The following TMEM170B variants were observed in gnomAD, a reference collection of about 807,000 sequenced individuals.
TMEM170B encodes transmembrane protein 170B.
A neutral mutation model predicts 13.0 loss-of-function variants in TMEM170B; 6 were observed. The ratio of observed to expected loss-of-function variants is 0.46; its 90% CI spans 0.25 to 0.91. The LOEUF (loss-of-function observed/expected upper bound fraction) is 0.91, where lower values mean the gene tolerates loss of function less well. Among genes scored for constraint, TMEM170B ranks in the 40% least tolerant of loss-of-function variants. TMEM170B has a pLI of 0.17. For synonymous variants in TMEM170B, 61 were observed against 64.9 expected, an observed-to-expected ratio of 0.94 and a Z score of 0.29; for missense variants, 138 against 165.2, an observed-to-expected ratio of 0.84 and a Z score of 0.90.
rs539622964 is a variant in TMEM170B, at chr6:11,568,628, C to G, written c.268+2792C>G. ...AATCCTTAAAAATGTAAGTCTGACACAATTTCAAGTAAAAATTTGTGTCCA... is the reference window on the plus strand; with the variant it reads ...AATCCTTAAAAATGTAAGTCTGACAGAATTTCAAGTAAAAATTTGTGTCCA... On this transcript the variant is annotated intron_variant, in intron 2 of 2. Transcript: ENST00000379426. Among the ~76,000 whole-genome samples, 26 of 152,206 alleles carry G rather than the reference C, an allele frequency of 1.7e-4. 1 individual carries two copies. The South Asian group carries it at 5.2e-3, about 30-fold the overall frequency.
chr6:11,564,425 A>G (rs1759709156), intron 1 of TMEM170B, among the ~76,000 whole-genome samples: 1 of 152,138 alleles, frequency 6.6e-6, no homozygotes, highest in Admixed American at 6.6e-5. Context: ...TTTAATGACT[A>G]TTTTATTGAC....
chr6:11,542,478 C>T (rs1561906026), intron 1 of TMEM170B, among the ~76,000 whole-genome samples: 1 of 152,162 alleles, frequency 6.6e-6, no homozygotes, highest in Non-Finnish European at 1.5e-5. Flanking sequence ...ATATGCCGAA[C>T]ATCCCAAACT....
intron 1 of TMEM170B, among the ~76,000 whole-genome samples, chr6:11,553,932 A>C (rs898288726): frequency 1.5e-4 from 23 of 152,108 alleles, no homozygotes; most frequent in Admixed American, 7.2e-4. Flanking sequence ...TTATGAAATT[A>C]TCTCTCTCTC....
At position 11,538,103 on chromosome 6, in the gene TMEM170B, C is replaced by A. The variant is rs988117684; in HGVS notation, c.-175C>A. 1.3e-5 allele frequency among the ~76,000 whole-genome samples: 2 copies of A among 151,008 alleles called. No individual in the cohort carries two copies. Among genetic ancestry groups the A allele is most frequent in the Admixed American group, 6.6e-5 (1 of 15,212 alleles). On this transcript the variant is annotated 5_prime_UTR_variant, in exon 1 of 3. Coordinates refer to ENST00000379426, the MANE Select transcript of TMEM170B (RefSeq NM_001100829.3). ...CTGCCTGGGAGACACGCTGAGCGGCCCCCCCACGGAGGCCCTCCGGCTGCA... is the reference window on the plus strand; with the variant it reads ...CTGCCTGGGAGACACGCTGAGCGGCACCCCCACGGAGGCCCTCCGGCTGCA...
Position 11,538,171 on chromosome 6 carries a change from C to G in TMEM170B, c.-107C>G. ...CCCGGCGTCCCGCAGCCTCCACCAG[C>G]GGCGGCGGCCTGGAGGAGCCGCGCA... On this transcript the variant is annotated 5_prime_UTR_variant, in exon 1 of 3. Coordinates refer to ENST00000379426, the MANE Select transcript of TMEM170B (RefSeq NM_001100829.3). The G allele has an allele frequency of 3.6e-6, 1 of 281,104 alleles. No homozygotes were observed. The highest frequency in any genetic ancestry group is 5.7e-6 in the Non-Finnish European group (1 of 176,950). The allele number at this position is 281,104 out of a possible 1,614,324, so 17.4% of individuals were successfully genotyped here. A position where few individuals can be genotyped will look rare whatever the true frequency, so the allele number is the denominator to read the frequency against.
intron 1 of TMEM170B, among the ~76,000 whole-genome samples, chr6:11,558,649 TA>T (rs1471122476): frequency 6.6e-6 from 1 of 152,198 alleles, no homozygotes; most frequent in Middle Eastern, 3.2e-3. Context: ...CATGATTATC[TA>T]ATTTGTTTAA....
intron 1 of TMEM170B, among the ~76,000 whole-genome samples, chr6:11,562,458 T>G (rs1036219400): frequency 6.6e-6 from 1 of 151,220 alleles, no homozygotes; most frequent in African/African-American, 2.4e-5. Context: ...CTGTAAAATA[T>G]ATCAGATGTA....
At chr6:11,559,809 A>G (rs1554103117) in intron 1 of TMEM170B, among the ~76,000 whole-genome samples, 1 of 152,068 alleles carries the variant, frequency 6.6e-6, no homozygotes, top group Non-Finnish European at 1.5e-5. Flanking sequence ...TTCTATAAAG[A>G]AGGTGATGGT....
chr6:11,569,171 T>G (rs1304918635), intron 2 of TMEM170B, among the ~76,000 whole-genome samples: 1 of 152,102 alleles, frequency 6.6e-6, no homozygotes, highest in African/African-American at 2.4e-5. Flanking sequence ...TTTATTAGGT[T>G]ACAGATATTT....
In TMEM170B at chr6:11,565,759, A is replaced by T; in HGVS notation, c.191A>T (p.His64Leu). ...TTGATGTTTGTGATGCTGCAGAGGC[A>T]TAGGCAGGGAAGAGTCATCTCTGTC... is the stretch of plus-strand genomic sequence containing the variant. The part of the protein sequence containing the change: ...GVLMFVMLQR[H>L]RQGRVISVIA... The change falls in exon 2 of 3, where the codon CAT (histidine) becomes CTT (leucine). Residue 64 changes from histidine (H) to leucine (L), a missense_variant. Coordinates refer to ENST00000379426, the MANE Select transcript of TMEM170B (RefSeq NM_001100829.3). The T allele has an allele frequency of 6.2e-7, 1 of 1,614,178 alleles. No homozygotes were observed. Among genetic ancestry groups the T allele is most frequent in the Non-Finnish European group, 8.5e-7 (1 of 1,180,024 alleles).
At chr6:11,552,708 CAT>C (rs967155482) in intron 1 of TMEM170B, among the ~76,000 whole-genome samples, 21 of 152,222 alleles carry the variant, frequency 1.4e-4, no homozygotes, top group East Asian at 9.6e-4. Flanking sequence ...ACATGGGTAA[CAT>C]ATATTCTCTG....
chr6:11,555,444 G>A (rs1485899554), intron 1 of TMEM170B, among the ~76,000 whole-genome samples: 1 of 152,096 alleles, frequency 6.6e-6, no homozygotes, highest in African/African-American at 2.4e-5. Context: ...GATTCTGTGA[G>A]AGTCTTGGAT....
chr6:11,542,291 A>G (rs1759372071), intron 1 of TMEM170B, among the ~76,000 whole-genome samples: 1 of 152,222 alleles, frequency 6.6e-6, no homozygotes, highest in South Asian at 2.1e-4. Context: ...ACTCCTGGCC[A>G]GCTTCAACAA....
intron 1 of TMEM170B, among the ~76,000 whole-genome samples, chr6:11,563,012 A>C (rs1190066299): frequency 1.3e-5 from 2 of 152,136 alleles, no homozygotes; most frequent in Non-Finnish European, 2.9e-5. Flanking sequence ...TACTTTTTAA[A>C]AAAAATTGGT....
At chr6:11,570,994 A>C (rs1316699999) in intron 2 of TMEM170B, among the ~76,000 whole-genome samples, 1 of 152,172 alleles carries the variant, frequency 6.6e-6, no homozygotes, top group Admixed American at 6.6e-5. Flanking sequence ...TGCTGTACAA[A>C]ATAGGTGGGT....
chr6:11,552,966 G>A (rs1759544305), intron 1 of TMEM170B, among the ~76,000 whole-genome samples: 1 of 152,136 alleles, frequency 6.6e-6, no homozygotes, highest in South Asian at 2.1e-4. Flanking sequence ...CTATTGTCAG[G>A]GAGTTTAGAG....
chr6:11,567,591 G>T lies in TMEM170B; in HGVS notation c.268+1755G>T, dbSNP rs9469438. 2.3e-3 allele frequency among the ~76,000 whole-genome samples: 355 copies of T among 152,260 alleles called. 2 individuals carry two copies. The highest frequency in any genetic ancestry group is 8.1e-3 in the African/African-American group (338 of 41,540). The stretch of plus-strand genomic sequence containing the variant: ...TAAAATACTTGTGGGAAATGGGGAG[G>T]AGTCTGTTTTCTTATCCTTCAATTG... On this transcript the variant is annotated intron_variant, in intron 2 of 2. Transcript: ENST00000379426.
chr6:11,545,278 C>CTGTGTGTGTG (rs1222024504), intron 1 of TMEM170B, among the ~76,000 whole-genome samples: 1 of 89,674 alleles, frequency 1.1e-5, no homozygotes, highest in Non-Finnish European at 2.6e-5. Context: ...CTCTCTCTCT[C>CTGTGTGTGTG]TCTGTGTGTG....
intron 1 of TMEM170B, among the ~76,000 whole-genome samples, chr6:11,542,502 G>A (rs775580831): frequency 1.3e-5 from 2 of 152,072 alleles, no homozygotes; most frequent in African/African-American, 2.4e-5. Context: ...ACTGAGGCGG[G>A]ACTGAGGACC....
Sources: allele counts gnomAD v4.1 joint callset (sites outside exome capture counted in the v4.1 genomes callset), GRCh38; gene constraint gnomAD v4.1.1; transcripts MANE v1.5; gene names NCBI Gene and HGNC (gene_info 2026-07-23, HGNC 2026-07-21).